Variants in PAQR3 observed in about 807,000 individuals in gnomAD.
PAQR3 encodes Raf kinase trapping to Golgi.
In PAQR3, 39 loss-of-function variants were observed where a neutral mutation model predicts 41.7. The ratio of observed to expected loss-of-function variants is 0.93; its 90% CI spans 0.72 to 1.22. The LOEUF (loss-of-function observed/expected upper bound fraction) is 1.22, where lower values mean the gene tolerates loss of function less well. Among genes scored for constraint, PAQR3 ranks in the 50% most tolerant of loss-of-function variants. The probability of loss-of-function intolerance (pLI) is 0.00; values close to 1 mark genes in which losing one functional copy is unlikely to be tolerated. For missense variants in PAQR3, 366 were observed against 385.6 expected, an observed-to-expected ratio of 0.95 and a Z score of 0.42; for synonymous variants, 140 against 140.6, an observed-to-expected ratio of 1.00 and a Z score of 0.03.
At position 78,926,572 on chromosome 4, in the gene PAQR3, A is replaced by G; in HGVS notation, c.651T>C (p.Pro217=). ...FCSVSGYGVI[P]TLHWVWLNGG... ...CATTGAGCCAAACCCAGTGAAGAGT[A>G]GGAATCACTCCATATCCCGAAACAG... is the stretch of plus-strand genomic sequence containing the variant. Residue 217 remains proline, a synonymous_variant, in exon 4 of 6, where the codon CCT becomes CCC. Coordinates refer to ENST00000512733, the MANE Select transcript of PAQR3 (RefSeq NM_001040202.2). 1.2e-6 allele frequency: 2 copies of G among 1,614,052 alleles called. No homozygotes were observed. Among genetic ancestry groups the G allele is most frequent in the Non-Finnish European group, 1.7e-6 (2 of 1,179,912 alleles).
At chr4:78,904,246 A>G (rs1170849519) in intron 11 of PAQR3, among the ~76,000 whole-genome samples, 1 of 151,940 alleles carries the variant, frequency 6.6e-6, no homozygotes, top group African/African-American at 2.4e-5. Flanking sequence ...AAAAGTTCTA[A>G]GAAAGATCAT....
chr4:78,926,502 T>A lies in PAQR3; in HGVS notation c.702+19A>T, dbSNP rs1384810939. ...AAGGAAAAAAAAAAAGAGAAAAATA[T>A]TAACTACACTCAACCTACCTGTACA... On this transcript the variant is annotated intron_variant, in intron 4 of 5. Transcript: ENST00000512733. 1.9e-6 allele frequency: 3 copies of A among 1,576,342 alleles called. No homozygotes were observed. The highest frequency in any genetic ancestry group is 1.8e-5 in the Admixed American group (1 of 56,152).
Position 78,902,671 on chromosome 4 carries a change from T to G in PAQR3, c.*836+3437A>C, listed in dbSNP as rs538140382. ...TAAGAAAAGAACATCAAAACAAAAT[T>G]TCCCTGACACTGGAAGCTTCTTATA... On this transcript the variant is annotated intron_variant and NMD_transcript_variant, in intron 11 of 12. Transcript: ENST00000342820. Among the ~76,000 whole-genome samples, 5 of 152,210 alleles carry G rather than the reference T, an allele frequency of 3.3e-5. No homozygotes were observed. The East Asian group carries it at 9.6e-4, about 29-fold the overall frequency.
At chr4:78,892,844 T>G (rs1733514785) in intron 11 of PAQR3, among the ~76,000 whole-genome samples, 1 of 152,242 alleles carries the variant, frequency 6.6e-6, no homozygotes. Flanking sequence ...TAAAAAATGC[T>G]AACAATCATC....
intron 11 of PAQR3, among the ~76,000 whole-genome samples, chr4:78,901,008 T>C (rs898153790): frequency 6.6e-6 from 1 of 152,166 alleles, no homozygotes; most frequent in South Asian, 2.1e-4. Context: ...CTTAGTTCTA[T>C]CACAGATTAA....
chr4:78,929,665 C>A (rs1420130988), intron 3 of PAQR3, among the ~76,000 whole-genome samples: 1 of 152,118 alleles, frequency 6.6e-6, no homozygotes, highest in African/African-American at 2.4e-5. Context: ...TACAAGCCTA[C>A]CCCCAAACAT....
chr4:78,893,078 C>A (rs190182428), intron 11 of PAQR3, among the ~76,000 whole-genome samples: 2 of 152,346 alleles, frequency 1.3e-5, no homozygotes, highest in South Asian at 2.1e-4. Flanking sequence ...AGTAGAACTT[C>A]TTCCAAAATT....
At position 78,919,176 on chromosome 4, in the gene PAQR3, G is replaced by A; in HGVS notation, c.*1363C>T. ...ATCATATGCACAAAAGGCATTTTGG[G>A]AATAAGCTTCATCATCAATTAACAT... On this transcript the variant is annotated 3_prime_UTR_variant, in exon 6 of 6. Coordinates refer to ENST00000512733, the MANE Select transcript of PAQR3 (RefSeq NM_001040202.2). The A allele has an allele frequency of 1.0e-6, 1 of 984,992 alleles. No individual in the cohort carries two copies. 61.0% of individuals were successfully genotyped at this position (984,992 alleles called of 1,614,324 possible).
At chr4:78,891,955 T>C (rs1733462252) in intron 11 of PAQR3, among the ~76,000 whole-genome samples, 1 of 152,214 alleles carries the variant, frequency 6.6e-6, no homozygotes, top group African/African-American at 2.4e-5. Flanking sequence ...ACTGAATTTC[T>C]TGGAAACAAC....
At chr4:78,911,744 T>G, downstream of PAQR3, 1 of 1,613,988 alleles carries the variant, frequency 6.2e-7, no homozygotes, top group Non-Finnish European at 8.5e-7. Flanking sequence ...GAGAGCCTGT[T>G]GGACCCCTTC....
rs1736699399 is a variant in PAQR3, at chr4:78,930,217, G to A, written c.457C>T (p.Leu153=). Reference sequence around the variant, plus strand: ...AATACTCCTGAGACATAGCAGCCCAGTATTCCAATAGAAATTCCTGCATAA... The same window carrying A: ...AATACTCCTGAGACATAGCAGCCCAATATTCCAATAGAAATTCCTGCATAA... ...LDYAGISIGI[L]GCYVSGVFYA... The change falls in exon 3 of 6, where the codon CTG becomes TTG. Residue 153 remains leucine, a synonymous_variant. Transcript: ENST00000512733. 5 of 1,613,470 alleles carry A rather than the reference G, an allele frequency of 3.1e-6. No individual in the cohort carries two copies. Among genetic ancestry groups the A allele is most frequent in the Non-Finnish European group, 3.4e-6 (4 of 1,179,734 alleles).
Position 78,912,291 on chromosome 4 carries a change from G to A in PAQR3, c.*8248C>T. 2.6e-6 allele frequency: 1 copy of A among 380,202 alleles called. No individual in the cohort carries two copies. The allele number at this position is 380,202 out of a possible 1,614,324, so 23.6% of individuals were successfully genotyped here. ...GCTACTGACATCACAACACAGAAATGCAAGTGTGGTACTTCCAGTGAAAGC... is the reference window on the plus strand; with the variant it reads ...GCTACTGACATCACAACACAGAAATACAAGTGTGGTACTTCCAGTGAAAGC... On this transcript the variant is annotated 3_prime_UTR_variant, in exon 6 of 6. Transcript: ENST00000512733.
At chr4:78,894,422 T>C (rs1733596106) in intron 11 of PAQR3, among the ~76,000 whole-genome samples, 1 of 152,230 alleles carries the variant, frequency 6.6e-6, no homozygotes, top group Non-Finnish European at 1.5e-5. Flanking sequence ...CTGCGTTACC[T>C]GTACTTACAT....
rs540551754 is a variant in PAQR3 at position 78,916,923 on chromosome 4, GT to G, written c.*3615del. 98 of 151,866 alleles carry G rather than the reference GT, an allele frequency of 6.5e-4. No homozygotes were observed. The South Asian group carries it at 0.012, about 19-fold the overall frequency. 9.4% of individuals were successfully genotyped at this position (151,866 alleles called of 1,614,324 possible). ...GGAGTCTTTGGTAGCCTGTGGAAAG[GT>G]TCATCCTATTTTTATGAATTAACTT... On this transcript the variant is annotated 3_prime_UTR_variant, in exon 6 of 6. Coordinates refer to ENST00000512733, the MANE Select transcript of PAQR3 (RefSeq NM_001040202.2).
chr4:78,892,429 T>C (rs1416256906), intron 11 of PAQR3, among the ~76,000 whole-genome samples: 3 of 152,214 alleles, frequency 2.0e-5, no homozygotes, highest in East Asian at 3.8e-4. Flanking sequence ...TATTCTGATA[T>C]TCCGTTTTTA....
At chr4:78,908,876 G>A (rs765949068), downstream of PAQR3, among the ~76,000 whole-genome samples, 37 of 151,664 alleles carry the variant, frequency 2.4e-4, no homozygotes, top group Admixed American at 1.5e-3. Context: ...TTTCTATCAC[G>A]CCACTCATTC....
chr4:78,904,151 G>A (rs892799111), intron 11 of PAQR3, among the ~76,000 whole-genome samples: 2 of 151,896 alleles, frequency 1.3e-5, no homozygotes, highest in Non-Finnish European at 2.9e-5. Context: ...AACAATGCAT[G>A]TCTTTGAAAC....
At chr4:78,925,636 C>G (rs1736117324) in intron 4 of PAQR3, among the ~76,000 whole-genome samples, 1 of 152,142 alleles carries the variant, frequency 6.6e-6, no homozygotes. Flanking sequence ...GGTCCCTCCT[C>G]TTCTAATAAA....
intron 11 of PAQR3, among the ~76,000 whole-genome samples, chr4:78,900,093 A>G (rs1733915216): frequency 6.6e-6 from 1 of 152,200 alleles, no homozygotes; most frequent in African/African-American, 2.4e-5. Context: ...AAATGCCTAC[A>G]GCAAGAACAA....
Sources: gnomAD v4.1 joint callset for allele counts (sites outside exome capture counted in the v4.1 genomes callset) on GRCh38, gnomAD v4.1.1 for gene constraint, MANE v1.5 for transcripts, NCBI Gene and HGNC (gene_info 2026-07-23, HGNC 2026-07-21) for gene names.